Variants in NDUFAF6 observed in about 807,000 individuals in gnomAD.
NDUFAF6 encodes the protein NADH dehydrogenase (ubiquinone) complex I, assembly factor 6.
Under a neutral mutation model 40.8 loss-of-function variants are expected in NDUFAF6, and 45 were observed. The observed-to-expected ratio is 1.10, with a 90% confidence interval of 0.87 to 1.42. NDUFAF6 has a LOEUF of 1.42. NDUFAF6 is among the 40% of genes most tolerant of loss of function. NDUFAF6 has a pLI of 0.00. For missense variants in NDUFAF6, 435 were observed against 418.5 expected (o/e 1.04, Z -0.34); for synonymous variants, 185 against 155.9 (o/e 1.19, Z -1.39).
intron 2 of NDUFAF6, among the ~76,000 whole-genome samples, chr8:95,086,104 G>A (rs905427464): frequency 6.6e-6 from 1 of 152,102 alleles, no homozygotes; most frequent in African/African-American, 2.4e-5. Flanking sequence ...CTCTAGACCA[G>A]CCTGGGTTAT....
intron 2 of NDUFAF6, among the ~76,000 whole-genome samples, chr8:94,946,157 T>C (rs1460215823): frequency 2.0e-5 from 3 of 152,112 alleles, no homozygotes; most frequent in Non-Finnish European, 4.4e-5. Context: ...AGTTATAGTC[T>C]TGTGAATGCA....
At chr8:94,979,858 G>A (rs1400348849) in intron 1 of NDUFAF6, among the ~76,000 whole-genome samples, 2 of 152,212 alleles carry the variant, frequency 1.3e-5, no homozygotes, top group East Asian at 3.8e-4. Flanking sequence ...ACTTTGGGAG[G>A]CCGAGGCAGG....
chr8:95,026,677 C>T (rs1416832138), intron 1 of NDUFAF6, among the ~76,000 whole-genome samples: 1 of 152,052 alleles, frequency 6.6e-6, no homozygotes, highest in East Asian at 1.9e-4. Flanking sequence ...ACCCAATAGC[C>T]GCTAGTGTCA....
chr8:95,066,595 A>G (rs539720193), intron 9 of NDUFAF6, among the ~76,000 whole-genome samples: 42 of 152,226 alleles, frequency 2.8e-4, no homozygotes, highest in African/African-American at 4.8e-4. Flanking sequence ...ATTTCAGTCA[A>G]TCCCTTCAGT....
At chr8:95,093,632 T>A (rs4321970) in intron 2 of NDUFAF6, among the ~76,000 whole-genome samples, 106,582 of 151,958 alleles carry the variant, frequency 0.7, 38,178 homozygotes, top group East Asian at 0.9. Flanking sequence ...TGTAACAAAG[T>A]AACAAAGGCC....
intron 2 of NDUFAF6, among the ~76,000 whole-genome samples, chr8:95,009,596 T>C (rs1415905290): frequency 1.3e-5 from 2 of 152,182 alleles, no homozygotes; most frequent in African/African-American, 4.8e-5. Context: ...GGCCATGGTC[T>C]TCCTAAGAGG....
At chr8:95,088,744 T>C (rs1809142689) in intron 2 of NDUFAF6, among the ~76,000 whole-genome samples, 1 of 58,956 alleles carries the variant, frequency 1.7e-5, no homozygotes. Context: ...TTTTGTTTTC[T>C]TGTTTTTATT....
chr8:95,046,228 A>G (rs1376725877), intron 5 of NDUFAF6, among the ~76,000 whole-genome samples: 2 of 151,924 alleles, frequency 1.3e-5, no homozygotes, highest in Non-Finnish European at 2.9e-5. Context: ...GCCCAGCTAA[A>G]TTTTGTACTT....
Position 95,009,321 on chromosome 8 carries a change from G to A in NDUFAF6, c.-83-22674G>A, listed in dbSNP as rs554484360. Among the ~76,000 whole-genome samples the A allele has an allele frequency of 3.0e-4, 46 of 151,978 alleles. 2 individuals carry two copies. In the South Asian group the frequency reaches 9.2e-3, roughly 30 times the overall value. ...ACATAATACATATATACCTCCATAC[G>A]TAAGCAAATATCACTCACTCACATA... On this transcript the variant is annotated intron_variant, in intron 2 of 9. Coordinates refer to the NDUFAF6 transcript ENST00000396111.
intron 2 of NDUFAF6, among the ~76,000 whole-genome samples, chr8:95,010,111 T>C (rs1015124881): frequency 9.2e-5 from 14 of 152,124 alleles, no homozygotes; most frequent in Admixed American, 1.3e-4. Context: ...TTTTTTGAGA[T>C]GGAGTTTCAC....
At chr8:95,070,103 T>C (rs945877593) in intron 9 of NDUFAF6, among the ~76,000 whole-genome samples, 4 of 151,846 alleles carry the variant, frequency 2.6e-5, no homozygotes, top group African/African-American at 9.7e-5. Context: ...AGGGCCTCCT[T>C]TTTTGAGAGG....
chr8:94,911,474 C>T (rs1289798936), intron 1 of NDUFAF6, among the ~76,000 whole-genome samples: 4 of 152,188 alleles, frequency 2.6e-5, no homozygotes, highest in Non-Finnish European at 4.4e-5. Flanking sequence ...ATGCAGAATG[C>T]GTTGGCTCCG....
chr8:94,983,671 C>A (rs956650180), intron 2 of NDUFAF6, among the ~76,000 whole-genome samples: 1 of 152,126 alleles, frequency 6.6e-6, no homozygotes, highest in Non-Finnish European at 1.5e-5. Context: ...ATGGTTGTTA[C>A]CATTTTACAA....
At chr8:95,097,807 G>A (rs976514809), upstream of NDUFAF6, among the ~76,000 whole-genome samples, 3 of 152,188 alleles carry the variant, frequency 2.0e-5, no homozygotes, top group South Asian at 6.2e-4. Context: ...GCTCCCAAAC[G>A]ACCTAACTTC....
chr8:95,106,715 A>G (rs556355797), downstream of NDUFAF6, among the ~76,000 whole-genome samples: 1 of 152,222 alleles, frequency 6.6e-6, no homozygotes, highest in Admixed American at 6.5e-5. Flanking sequence ...ATGGGAGAAA[A>G]TTTTTGCAAT....
intron 1 of NDUFAF6, among the ~76,000 whole-genome samples, chr8:94,959,144 CT>C (rs1823341202): frequency 1.3e-5 from 2 of 152,184 alleles, no homozygotes. Context: ...TATCCAATGA[CT>C]TACTCAGGTC....
intron 1 of NDUFAF6, among the ~76,000 whole-genome samples, chr8:94,916,892 A>G (rs1209851994): frequency 6.6e-6 from 1 of 151,894 alleles, no homozygotes; most frequent in Non-Finnish European, 1.5e-5. Context: ...AGGCAGGCGA[A>G]TCACGAGGTC....
chr8:95,016,420 C>A (rs1443717389), intron 2 of NDUFAF6, among the ~76,000 whole-genome samples: 1 of 152,156 alleles, frequency 6.6e-6, no homozygotes, highest in Non-Finnish European at 1.5e-5. Context: ...AGGATGGAGA[C>A]CTGGGTTCTA....
intron 4 of NDUFAF6, among the ~76,000 whole-genome samples, chr8:95,111,564 C>G (rs1358595235): frequency 1.3e-5 from 2 of 152,192 alleles, no homozygotes; most frequent in African/African-American, 4.8e-5. Flanking sequence ...GTTCCAACAT[C>G]TTGCTCGTGT....
Sources: gnomAD v4.1 joint callset for allele counts (sites outside exome capture counted in the v4.1 genomes callset) on GRCh38, gnomAD v4.1.1 for gene constraint, MANE v1.5 for transcripts, NCBI Gene and HGNC (gene_info 2026-07-23, HGNC 2026-07-21) for gene names.